BMP2K: variants seen among roughly 807,000 people sequenced by gnomAD.
BMP2K encodes BMP-2-inducible protein kinase.
In BMP2K, 74 loss-of-function variants were observed where a neutral mutation model predicts 116.0. That is an observed-to-expected ratio of 0.64 (90% CI 0.53 to 0.77). The LOEUF is 0.77. Among genes scored for constraint, BMP2K ranks in the 30% least tolerant of loss-of-function variants. The pLI is 0.00. For synonymous variants in BMP2K, 486 were observed against 502.5 expected, an observed-to-expected ratio of 0.97 and a Z score of 0.44; for missense variants, 1,365 against 1,403.6, an observed-to-expected ratio of 0.97 and a Z score of 0.44.
At chr4:78,876,489 G>C (rs1732638343) in intron 13 of BMP2K, among the ~76,000 whole-genome samples, 2 of 152,186 alleles carry the variant, frequency 1.3e-5, no homozygotes, top group Non-Finnish European at 2.9e-5. Flanking sequence ...CCTTCAGTAA[G>C]TATTTAAGTA....
At chr4:78,798,214 A>G (rs1016964663) in intron 1 of BMP2K, among the ~76,000 whole-genome samples, 4 of 152,230 alleles carry the variant, frequency 2.6e-5, no homozygotes, top group African/African-American at 9.6e-5. Context: ...TTAATGAACT[A>G]GTTTCCTCAA....
chr4:78,871,822 A>G, intron 11 of BMP2K, 28 bp from the exon 12 acceptor site: 1 of 1,525,788 alleles, frequency 6.6e-7, no homozygotes, highest in Non-Finnish European at 9.1e-7. Flanking sequence ...AAGGCATAAC[A>G]TTTATTAATT....
chr4:78,897,432 C>G (rs62307967), intron 15 of BMP2K, among the ~76,000 whole-genome samples: 11,353 of 151,492 alleles, frequency 0.075, 606 homozygotes, highest in East Asian at 0.22. Context: ...AAATGTGTCT[C>G]TGCTATAATT....
chr4:78,782,008 G>A (rs189916043), intron 1 of BMP2K, among the ~76,000 whole-genome samples: 3 of 152,182 alleles, frequency 2.0e-5, no homozygotes, highest in East Asian at 3.9e-4. Context: ...ACATTTTTTC[G>A]CCTGGCATTC....
At chr4:78,784,465 T>G (rs1358628643) in intron 1 of BMP2K, among the ~76,000 whole-genome samples, 4 of 152,254 alleles carry the variant, frequency 2.6e-5, no homozygotes, top group African/African-American at 7.2e-5. Flanking sequence ...TGAGCTGTTT[T>G]AAATAGCTGG....
intron 14 of BMP2K, among the ~76,000 whole-genome samples, chr4:78,885,461 C>G (rs1250373561): frequency 6.6e-6 from 1 of 152,086 alleles, no homozygotes; most frequent in African/African-American, 2.4e-5. Flanking sequence ...TAACAAATCC[C>G]CAGGTAACTG....
Position 78,798,741 on chromosome 4 carries a change from A to G in BMP2K, c.178+22020A>G, listed in dbSNP as rs372148875. Among the ~76,000 whole-genome samples, 14 of 152,340 alleles carry G rather than the reference A, an allele frequency of 9.2e-5. No individual in the cohort carries two copies. In the East Asian group the frequency reaches 1.5e-3, roughly 17 times the overall value. On this transcript the variant is annotated intron_variant, in intron 1 of 15. Coordinates refer to ENST00000502613, the MANE Select transcript of BMP2K (RefSeq NM_198892.2). ...ACCTAAATGTTTATAAAGATTTACA[A>G]TATCACTGCCTTCTTCCTTTTGCTG...
intron 7 of BMP2K, among the ~76,000 whole-genome samples, chr4:78,855,937 G>A (rs979788486): frequency 1.3e-5 from 2 of 152,148 alleles, no homozygotes; most frequent in Non-Finnish European, 2.9e-5. Context: ...GAGTAAACAA[G>A]GGCGTATTCT....
intron 15 of BMP2K, among the ~76,000 whole-genome samples, chr4:78,905,522 C>T (rs539752509): frequency 6.6e-6 from 1 of 152,010 alleles, no homozygotes; most frequent in South Asian, 2.1e-4. Flanking sequence ...GTTTTTAATG[C>T]TGTAAATACA....
chr4:78,863,948 A>G (rs940944859), intron 9 of BMP2K, among the ~76,000 whole-genome samples: 4 of 152,174 alleles, frequency 2.6e-5, no homozygotes, highest in African/African-American at 4.8e-5. Context: ...GATGATTTTT[A>G]CTATCTTATA....
At chr4:78,891,289 C>T (rs1387347217) in intron 15 of BMP2K, among the ~76,000 whole-genome samples, 1 of 152,068 alleles carries the variant, frequency 6.6e-6, no homozygotes, top group East Asian at 1.9e-4. Flanking sequence ...TATTCCTGCT[C>T]CTCTTTCTCT....
rs777171473 is a variant in BMP2K at position 78,861,443 on chromosome 4, G to A, written c.1042G>A (p.Ala348Thr). 2 of 1,608,346 alleles carry A rather than the reference G, an allele frequency of 1.2e-6. No individual in the cohort carries two copies. Among genetic ancestry groups the A allele is most frequent in the South Asian group, 2.2e-5 (2 of 90,482 alleles). ...PEPMTASEAA[A>T]RKSQIKARIT... ...ACCGATGACTGCTAGTGAAGCAGCTGCTAGGAAAAGCCAAATAAAAGCCAG... is the reference window on the plus strand; with the variant it reads ...ACCGATGACTGCTAGTGAAGCAGCTACTAGGAAAAGCCAAATAAAAGCCAG... The change falls in exon 9 of 16, where the codon GCT becomes ACT. Residue 348 changes from alanine (A) to threonine (T), a missense_variant. Physicochemically the swap from Ala to Thr is moderately conservative, Grantham distance 58 (BLOSUM62 0). This residue lies in a region of BMP2K where 762 missense variants were observed against 756.7 expected (regional missense o/e 1.01). Transcript: ENST00000502613.
At chr4:78,840,431 T>C (rs1035245863) in intron 3 of BMP2K, among the ~76,000 whole-genome samples, 21 of 152,176 alleles carry the variant, frequency 1.4e-4, no homozygotes, top group Non-Finnish European at 2.2e-4. Flanking sequence ...CCCTCTGTGC[T>C]CTCAGGCGAT....
rs1395051877 is a variant in BMP2K at position 78,916,256 on chromosome 4, ACT to A, written c.*4224_*4225del. The A allele has an allele frequency of 6.6e-6, 1 of 151,610 alleles. No individual in the cohort carries two copies. Among genetic ancestry groups the A allele is most frequent in the East Asian group, 1.9e-4 (1 of 5,192 alleles). 9.4% of individuals were successfully genotyped at this position (151,610 alleles called of 1,614,324 possible). On this transcript the variant is annotated 3_prime_UTR_variant, in exon 16 of 16. Coordinates refer to ENST00000502613, the MANE Select transcript of BMP2K (RefSeq NM_198892.2). Reference sequence around the variant, plus strand: ...TTTGACTGAATTCTGTCCCTGATTCACTGTTTTGTTTGAAATTTAAAGTTATT... The same window carrying A: ...TTTGACTGAATTCTGTCCCTGATTCAGTTTTGTTTGAAATTTAAAGTTATT...
At chr4:78,886,711 A>C (rs1733109655) in intron 14 of BMP2K, among the ~76,000 whole-genome samples, 2 of 152,192 alleles carry the variant, frequency 1.3e-5, no homozygotes, top group African/African-American at 4.8e-5. Flanking sequence ...GTAGTACAAA[A>C]AAAGAACAAA....
Position 78,858,147 on chromosome 4 carries a change from G to A in BMP2K, c.884-1437G>A, listed in dbSNP as rs1469453569. On this transcript the variant is annotated intron_variant, in intron 7 of 15. Coordinates refer to ENST00000502613, the MANE Select transcript of BMP2K (RefSeq NM_198892.2). ...TTAGAATAGAAAAATAGGACTATACGTTTGTGAATTAGGTAGGTTTCGTGT... is the reference window on the plus strand; with the variant it reads ...TTAGAATAGAAAAATAGGACTATACATTTGTGAATTAGGTAGGTTTCGTGT... Among the ~76,000 whole-genome samples, 4 of 151,898 alleles carry A rather than the reference G, an allele frequency of 2.6e-5. 1 individual carries two copies. The highest frequency in any genetic ancestry group is 4.1e-4 in the South Asian group (2 of 4,830).
intron 15 of BMP2K, among the ~76,000 whole-genome samples, chr4:78,903,723 C>G (rs1390160501): frequency 4.6e-5 from 7 of 151,918 alleles, no homozygotes; most frequent in African/African-American, 1.4e-4. Context: ...GGGTACTCAT[C>G]ATACAGGTTC....
At chr4:78,832,256 C>T (rs1475448132) in intron 2 of BMP2K, among the ~76,000 whole-genome samples, 1 of 152,130 alleles carries the variant, frequency 6.6e-6, no homozygotes. Flanking sequence ...TTTATGTTGC[C>T]TATTTTCTGT....
chr4:78,907,627 T>G (rs1577983110), intron 15 of BMP2K, among the ~76,000 whole-genome samples: 2 of 152,298 alleles, frequency 1.3e-5, no homozygotes, highest in East Asian at 3.9e-4. Context: ...TGGGAAATCC[T>G]AGGGTTCATA....
Sources: allele counts gnomAD v4.1 joint callset (sites outside exome capture counted in the v4.1 genomes callset), GRCh38; gene constraint gnomAD v4.1.1; regional missense constraint gnomAD v4.1.1; transcripts MANE v1.5; gene names NCBI Gene and HGNC (gene_info 2026-07-23, HGNC 2026-07-21).